The following ADRA1A variants were observed in gnomAD, a reference collection of about 807,000 sequenced individuals.
ADRA1A encodes the protein adrenoceptor alpha 1A.
ADRA1A carries 31 observed loss-of-function variants against 29.6 expected under a neutral mutation model. The ratio of observed to expected loss-of-function variants is 1.05; its 90% confidence interval spans 0.79 to 1.41. The LOEUF (loss-of-function observed/expected upper bound fraction) is 1.41, where lower values mean the gene tolerates loss of function less well. Among genes scored for constraint, ADRA1A ranks in the 40% most tolerant of loss-of-function variants. The pLI, the probability that ADRA1A is intolerant of heterozygous loss-of-function variation, is 0.00. For synonymous variants in ADRA1A, 311 were observed against 254.3 expected (o/e 1.22, Z -2.12); for missense variants, 619 against 601.1 (o/e 1.03, Z -0.31).
At position 26,768,859 on chromosome 8, in the gene ADRA1A, A is replaced by T. The variant is rs974228967; in HGVS notation, c.*1290T>A. The T allele has an allele frequency of 9.1e-6, 9 of 984,556 alleles. No individual in the cohort carries two copies. Among genetic ancestry groups the T allele is most frequent in the Non-Finnish European group, 1.1e-5 (9 of 829,232 alleles). The allele number at this position is 984,556 out of a possible 1,614,324, so 61.0% of individuals were successfully genotyped here. On this transcript the variant is annotated 3_prime_UTR_variant, in exon 3 of 3. Transcript: ENST00000380573. Reference sequence around the variant, plus strand: ...AAATTTGGTATACATAAAGCAAAATATAGCATGTTCCCCAAGCTCTTGCAG... The same window carrying T: ...AAATTTGGTATACATAAAGCAAAATTTAGCATGTTCCCCAAGCTCTTGCAG...
At chr8:26,843,833 G>A (rs927235924) in intron 2 of ADRA1A, among the ~76,000 whole-genome samples, 2 of 152,206 alleles carry the variant, frequency 1.3e-5, no homozygotes, top group African/African-American at 2.4e-5. Context: ...ATATCTGAAG[G>A]AATTCACAAA....
intron 2 of ADRA1A, among the ~76,000 whole-genome samples, chr8:26,781,700 G>A (rs969382595): frequency 6.6e-6 from 1 of 152,228 alleles, no homozygotes; most frequent in African/African-American, 2.4e-5. Context: ...AAGGGTTGAA[G>A]CCTATAATTC....
In ADRA1A at chr8:26,865,255, C is replaced by T; in HGVS notation, c.-286G>A. On this transcript the variant is annotated 5_prime_UTR_variant, in exon 2 of 3. Transcript: ENST00000380573. The surrounding 1 kb of genome is among the most constrained non-coding windows in gnomAD (Gnocchi z 7.6). ...CTGCCGGGCTGGCCTAGCCCGGGAC[C>T]CGGACTCCCTCCCTACCCGAAGCTG... The T allele has an allele frequency of 3.9e-6, 5 of 1,278,854 alleles. No individual in the cohort carries two copies. Among genetic ancestry groups the T allele is most frequent in the Non-Finnish European group, 4.9e-6 (5 of 1,011,962 alleles). The allele number at this position is 1,278,854 out of a possible 1,614,324, so 79.2% of individuals were successfully genotyped here. A position where few individuals can be genotyped will look rare whatever the true frequency, so the allele number is the denominator to read the frequency against.
intron 2 of ADRA1A, among the ~76,000 whole-genome samples, chr8:26,777,188 A>G (rs926317286): frequency 7.9e-5 from 12 of 152,192 alleles, no homozygotes; most frequent in Non-Finnish European, 1.5e-5. Context: ...TCAGTCAGCA[A>G]GAAGTTTTTA....
In ADRA1A at chr8:26,841,997, C is replaced by A. The variant is rs1362139817; in HGVS notation, c.883+22090G>T. Among the ~76,000 whole-genome samples, 1 of 152,082 alleles carries A rather than the reference C, an allele frequency of 6.6e-6. No homozygotes were observed. Among genetic ancestry groups the A allele is most frequent in the Non-Finnish European group, 1.5e-5 (1 of 68,032 alleles). On this transcript the variant is annotated intron_variant, in intron 2 of 2. Transcript: ENST00000380573. This position sits in a 1 kb window ranked among gnomAD's most constrained non-coding sequence, Gnocchi z 4.4. The stretch of plus-strand genomic sequence containing the variant: ...ATGCCAACATATTCTAACATTCAGC[C>A]CTCCTTAGGAGATGACCCATTCCCT...
chr8:26,795,999 A>T (rs1368723080), intron 2 of ADRA1A, among the ~76,000 whole-genome samples: 1 of 152,126 alleles, frequency 6.6e-6, no homozygotes, highest in East Asian at 1.9e-4. Context: ...AAAATTGAAG[A>T]TATATGATAA....
chr8:26,830,981 T>C (rs1292925334), intron 2 of ADRA1A, among the ~76,000 whole-genome samples: 1 of 152,200 alleles, frequency 6.6e-6, no homozygotes. Context: ...TACTGGTCTG[T>C]AGAAGTGTCT....
chr8:26,784,414 G>A (rs1807224020), intron 2 of ADRA1A, among the ~76,000 whole-genome samples: 1 of 152,196 alleles, frequency 6.6e-6, no homozygotes. Flanking sequence ...GTTTCTGGAT[G>A]TGCTGTTAGA....
intron 2 of ADRA1A, among the ~76,000 whole-genome samples, chr8:26,858,839 C>T (rs1177521873): frequency 6.6e-6 from 1 of 152,158 alleles, no homozygotes; most frequent in Admixed American, 6.5e-5. Flanking sequence ...TTCAACCAAA[C>T]ATTTAGGATG....
At chr8:26,832,118 G>A (rs1811016825) in intron 2 of ADRA1A, among the ~76,000 whole-genome samples, 1 of 152,208 alleles carries the variant, frequency 6.6e-6, no homozygotes, top group African/African-American at 2.4e-5. Flanking sequence ...GGTTTGCAGC[G>A]AGAAATGTTG....
At chr8:26,778,257 T>A (rs1039670083) in intron 2 of ADRA1A, among the ~76,000 whole-genome samples, 20 of 152,154 alleles carry the variant, frequency 1.3e-4, no homozygotes, top group African/African-American at 4.8e-4. Flanking sequence ...ACCCCACATG[T>A]AGACATTTCT....
At position 26,828,298 on chromosome 8, in the gene ADRA1A, G is replaced by C. The variant is rs190099287; in HGVS notation, c.883+35789C>G. On this transcript the variant is annotated intron_variant, in intron 2 of 2. Coordinates refer to ENST00000380573, the MANE Select transcript of ADRA1A (RefSeq NM_000680.4). ...GTCTGCCTTTTCTTTTTTTTCTTTT[G>C]TCGAGAATAAAGATGACTGTCTAAA... Among the ~76,000 whole-genome samples the C allele has an allele frequency of 3.3e-5, 5 of 151,336 alleles. No homozygotes were observed. The East Asian group carries it at 9.7e-4, about 29-fold the overall frequency.
At chr8:26,789,467 A>G (rs958147196) in intron 2 of ADRA1A, among the ~76,000 whole-genome samples, 2 of 152,168 alleles carry the variant, frequency 1.3e-5, no homozygotes, top group Non-Finnish European at 2.9e-5. Context: ...TATGCAGAAG[A>G]ATGAAACTTC....
At chr8:26,859,495 C>T (rs1479715475) in intron 2 of ADRA1A, among the ~76,000 whole-genome samples, 1 of 152,196 alleles carries the variant, frequency 6.6e-6, no homozygotes, top group East Asian at 1.9e-4. Context: ...ATGTCATAGA[C>T]TTGCAATAAT....
At chr8:26,788,602 C>T (rs1233362995) in intron 2 of ADRA1A, among the ~76,000 whole-genome samples, 1 of 152,144 alleles carries the variant, frequency 6.6e-6, no homozygotes, top group African/African-American at 2.4e-5. Context: ...TTTTCATGCA[C>T]CACCTCATCT....
At chr8:26,850,952 G>C (rs1812587732) in intron 2 of ADRA1A, among the ~76,000 whole-genome samples, 1 of 152,182 alleles carries the variant, frequency 6.6e-6, no homozygotes, top group Admixed American at 6.5e-5. Context: ...CAATTACAGG[G>C]CATGGCCAAC....
In ADRA1A at chr8:26,831,854, C is replaced by A. The variant is rs934717268; in HGVS notation, c.883+32233G>T. Among the ~76,000 whole-genome samples the A allele has an allele frequency of 1.3e-5, 2 of 152,256 alleles. No individual in the cohort carries two copies. Among genetic ancestry groups the A allele is most frequent in the African/African-American group, 4.8e-5 (2 of 41,472 alleles). On this transcript the variant is annotated intron_variant, in intron 2 of 2. Coordinates refer to ENST00000380573, the MANE Select transcript of ADRA1A (RefSeq NM_000680.4). The surrounding 1 kb of genome is among the most constrained non-coding windows in gnomAD (Gnocchi z 5.2). The stretch of plus-strand genomic sequence containing the variant: ...CTGGGGCTGTCAGCAGCCACCGCCC[C>A]TGCGCTGTGGGCTCCCTGCCCTGTG...
chr8:26,807,146 A>C (rs1809055939), intron 2 of ADRA1A, among the ~76,000 whole-genome samples: 1 of 152,112 alleles, frequency 6.6e-6, no homozygotes. Context: ...AAGAATCACA[A>C]ATCTAACCCC....
rs766028562 is a variant in ADRA1A at position 26,866,874 on chromosome 8, C to A, written c.-687+62G>T. 2.7e-4 allele frequency: 267 copies of A among 985,306 alleles called. No individual in the cohort carries two copies. The highest frequency in any genetic ancestry group is 1.0e-3 in the Middle Eastern group (2 of 1,936). 61.0% of individuals were successfully genotyped at this position (985,306 alleles called of 1,614,324 possible). On this transcript the variant is annotated intron_variant, in intron 1 of 2. Transcript: ENST00000380573. This position sits in a 1 kb window ranked among gnomAD's most constrained non-coding sequence, Gnocchi z 5.7. Reference sequence around the variant, plus strand: ...AAAGTGGGGGTTCCGTCTCACCAGACGGCGGGGGAGGTCTGCCCTCACCCA... The same window carrying A: ...AAAGTGGGGGTTCCGTCTCACCAGAAGGCGGGGGAGGTCTGCCCTCACCCA...
Sources: gnomAD v4.1 joint callset for allele counts (sites outside exome capture counted in the v4.1 genomes callset) on GRCh38, gnomAD v4.1.1 for gene constraint, Gnocchi (gnomAD v3.1) non-coding constraint, MANE v1.5 for transcripts, NCBI Gene and HGNC (gene_info 2026-07-23, HGNC 2026-07-21) for gene names.